The following GPC5 variants were observed in gnomAD, a reference collection of about 807,000 sequenced individuals.
GPC5 encodes the protein glypican 5.
Under a neutral mutation model 53.9 loss-of-function variants are expected in GPC5, and 47 were observed. That is an observed-to-expected ratio of 0.87 (90% CI 0.69 to 1.11). The LOEUF (loss-of-function observed/expected upper bound fraction) is 1.11, where lower values mean the gene tolerates loss of function less well. GPC5 is among the 50% of genes most tolerant of loss of function. The probability of loss-of-function intolerance (pLI) is 0.00; values close to 1 mark genes in which losing one functional copy is unlikely to be tolerated. For synonymous variants in GPC5, 286 were observed against 263.3 expected, an observed-to-expected ratio of 1.09 and a Z score of -0.84; for missense variants, 748 against 713.1, an observed-to-expected ratio of 1.05 and a Z score of -0.56.
At chr13:91,792,107 T>C (rs559927720) in intron 5 of GPC5, among the ~76,000 whole-genome samples, 15 of 152,346 alleles carry the variant, frequency 9.8e-5, no homozygotes, top group Non-Finnish European at 1.9e-4. Flanking sequence ...TTCTCAGTGT[T>C]CCTGGCTTTA....
At chr13:91,492,265 A>C (rs975484581) in intron 2 of GPC5, among the ~76,000 whole-genome samples, 1 of 152,238 alleles carries the variant, frequency 6.6e-6, no homozygotes, top group Non-Finnish European at 1.5e-5. Flanking sequence ...CCAGAGAAAT[A>C]GAACAAACTG....
intron 7 of GPC5, among the ~76,000 whole-genome samples, chr13:92,853,666 A>G (rs1299950480): frequency 6.6e-6 from 1 of 152,208 alleles, no homozygotes; most frequent in Admixed American, 6.5e-5. Context: ...GAAATCTCCT[A>G]GAAAGTAGAG....
intron 6 of GPC5, among the ~76,000 whole-genome samples, chr13:92,116,257 A>C (rs1342355287): frequency 9.5e-5 from 1 of 10,548 alleles, no homozygotes; most frequent in African/African-American, 1.1e-4. Flanking sequence ...CAAAAAACAA[A>C]CAAACAAACA....
chr13:92,639,962 A>AAT (rs1555297978), intron 7 of GPC5, among the ~76,000 whole-genome samples: 13 of 149,290 alleles, frequency 8.7e-5, no homozygotes, highest in African/African-American at 3.0e-4. Flanking sequence ...GATCCTGAGG[A>AAT]TTTTTTTTTT....
chr13:92,077,123 A>G (rs1426799277), intron 6 of GPC5, among the ~76,000 whole-genome samples: 1 of 152,078 alleles, frequency 6.6e-6, no homozygotes, highest in East Asian at 1.9e-4. Flanking sequence ...TCTGAACCAA[A>G]CCAATGTATT....
intron 5 of GPC5, among the ~76,000 whole-genome samples, chr13:91,902,785 C>G (rs1430458908): frequency 1.3e-5 from 2 of 152,008 alleles, no homozygotes; most frequent in African/African-American, 4.8e-5. Flanking sequence ...CAAATTAAAG[C>G]CTTCAGGGAA....
At chr13:91,475,645 A>G (rs978191566) in intron 2 of GPC5, among the ~76,000 whole-genome samples, 25 of 152,040 alleles carry the variant, frequency 1.6e-4, no homozygotes, top group Admixed American at 1.0e-3. Context: ...GCTGGTGGGG[A>G]TGTGTGTAGA....
chr13:91,556,882 G>T (rs2030988526), intron 2 of GPC5, among the ~76,000 whole-genome samples: 1 of 151,908 alleles, frequency 6.6e-6, no homozygotes, highest in South Asian at 2.1e-4. Flanking sequence ...TACTGCTCGG[G>T]TGATGGGTGC....
chr13:92,684,311 C>A (rs1288260332), intron 7 of GPC5, among the ~76,000 whole-genome samples: 1 of 151,808 alleles, frequency 6.6e-6, no homozygotes, highest in Admixed American at 6.6e-5. Context: ...TGCTCTGTCA[C>A]CCAGGGTGGA....
chr13:91,522,160 G>GA (rs1481023993), intron 2 of GPC5, among the ~76,000 whole-genome samples: 5 of 152,166 alleles, frequency 3.3e-5, no homozygotes, highest in Non-Finnish European at 1.5e-5. Flanking sequence ...TCATTACTTA[G>GA]AGATGATGTA....
At chr13:92,406,676 A>G (rs1875810532) in intron 7 of GPC5, among the ~76,000 whole-genome samples, 1 of 152,204 alleles carries the variant, frequency 6.6e-6, no homozygotes, top group African/African-American at 2.4e-5. Context: ...ATAGGCAAGT[A>G]AAGTCATAGT....
chr13:92,810,972 G>T (rs544657771), intron 7 of GPC5, among the ~76,000 whole-genome samples: 1 of 151,794 alleles, frequency 6.6e-6, no homozygotes. Context: ...TGCCTGATTC[G>T]GCCTCCCAAA....
intron 2 of GPC5, among the ~76,000 whole-genome samples, chr13:91,570,323 T>C (rs894903691): frequency 3.9e-5 from 6 of 152,176 alleles, no homozygotes; most frequent in Non-Finnish European, 7.4e-5. Flanking sequence ...CTCCTAAATC[T>C]GAAACTTTTT....
intron 2 of GPC5, among the ~76,000 whole-genome samples, chr13:91,668,717 T>C (rs1358152270): frequency 6.6e-6 from 1 of 152,194 alleles, no homozygotes; most frequent in Admixed American, 6.5e-5. Context: ...ATCATAACAA[T>C]GTAAAAGTCC....
intron 7 of GPC5, among the ~76,000 whole-genome samples, chr13:92,573,322 G>A (rs1883091758): frequency 6.6e-6 from 1 of 152,146 alleles, no homozygotes; most frequent in Non-Finnish European, 1.5e-5. Flanking sequence ...ATTTTTAAGG[G>A]TAACTGGCAC....
At chr13:91,963,031 G>C (rs2040140843) in intron 6 of GPC5, among the ~76,000 whole-genome samples, 1 of 151,968 alleles carries the variant, frequency 6.6e-6, no homozygotes, top group Non-Finnish European at 1.5e-5. Flanking sequence ...TGGGCTCTGG[G>C]GTCAGCCCAC....
Position 92,144,948 on chromosome 13 carries a change from C to G in GPC5, c.1520C>G (p.Ser507Ter), listed in dbSNP as rs1267676418. ...DCDDEDGCGG[S>*]GSGEVKRTLK... is the part of the protein sequence containing the mutation. ...GATGATGAAGATGGTTGCGGGGGATCAGGAAGTGGAGAAGTCAAGAGGACA... is the reference window on the plus strand; with the variant it reads ...GATGATGAAGATGGTTGCGGGGGATGAGGAAGTGGAGAAGTCAAGAGGACA... The change falls in exon 7 of 8, where the codon TCA (serine) becomes TGA (stop). Residue 507 changes from serine (S) to a stop codon, truncating the protein, a stop_gained. Coordinates refer to ENST00000377067, the MANE Select transcript of GPC5 (RefSeq NM_004466.6). LOFTEE classifies it low-confidence loss of function (END_TRUNC). The G allele has an allele frequency of 1.3e-6, 2 of 1,575,472 alleles. No homozygotes were observed. The highest frequency in any genetic ancestry group is 1.7e-4 in the Middle Eastern group (1 of 5,890).
intron 7 of GPC5, among the ~76,000 whole-genome samples, chr13:92,564,980 C>T (rs1444693653): frequency 6.6e-6 from 1 of 151,828 alleles, no homozygotes; most frequent in East Asian, 1.9e-4. Flanking sequence ...CATTAAACAC[C>T]CAGATGTAAA....
chr13:92,638,483 C>G (rs967535916), intron 7 of GPC5, among the ~76,000 whole-genome samples: 1 of 152,116 alleles, frequency 6.6e-6, no homozygotes, highest in Non-Finnish European at 1.5e-5. Flanking sequence ...ACCCACTCAT[C>G]TGGCTGCAGT....
Sources: allele counts gnomAD v4.1 joint callset (sites outside exome capture counted in the v4.1 genomes callset), GRCh38; gene constraint gnomAD v4.1.1; transcripts MANE v1.5; gene names NCBI Gene and HGNC (gene_info 2026-07-23, HGNC 2026-07-21).